PAPPA2: variants seen among roughly 807,000 people sequenced by gnomAD.
The protein encoded by PAPPA2 is pappalysin 2.
In PAPPA2, 86 loss-of-function variants were observed where a neutral mutation model predicts 176.4. The observed-to-expected ratio is 0.49, with a 90% CI of 0.41 to 0.58. PAPPA2 has a LOEUF of 0.58. Among genes scored for constraint, PAPPA2 ranks in the 20% least tolerant of loss-of-function variants. The pLI is 0.00. For missense variants in PAPPA2, 2,073 were observed against 2,256.9 expected (o/e 0.92, Z 1.65); for synonymous variants, 809 against 852.2 (o/e 0.95, Z 0.88).
At chr1:176,493,272 G>A (rs978663246) in intron 1 of PAPPA2, among the ~76,000 whole-genome samples, 3 of 152,100 alleles carry the variant, frequency 2.0e-5, no homozygotes, top group South Asian at 2.1e-4. Context: ...GATTTTCAAG[G>A]GCAATCACTT....
intron 2 of PAPPA2, among the ~76,000 whole-genome samples, chr1:176,559,985 T>C (rs532065105): frequency 6.6e-6 from 1 of 152,296 alleles, no homozygotes; most frequent in East Asian, 1.9e-4. Flanking sequence ...AGAGGATACT[T>C]TCTACACGGA....
At chr1:176,629,972 T>C (rs954978095) in intron 3 of PAPPA2, among the ~76,000 whole-genome samples, 10 of 151,850 alleles carry the variant, frequency 6.6e-5, no homozygotes, top group African/African-American at 2.4e-4. Flanking sequence ...GGCAGGAGAA[T>C]CGCTTGAACC....
At chr1:176,545,077 G>T (rs1264600143) in intron 1 of PAPPA2, among the ~76,000 whole-genome samples, 1 of 152,074 alleles carries the variant, frequency 6.6e-6, no homozygotes, top group Non-Finnish European at 1.5e-5. Context: ...TTAGCCGTTG[G>T]TGATTAAACT....
In PAPPA2 at chr1:176,623,728, C is replaced by CTT. The variant is rs1296950763; in HGVS notation, c.1991+28135_1991+28136dup. On this transcript the variant is annotated intron_variant, in intron 3 of 22. Coordinates refer to ENST00000367662, the MANE Select transcript of PAPPA2 (RefSeq NM_020318.3). ...TTTCTTTTCTTCTTTCTTTCTTTCT[C>CTT]TTTCTTTCTTTCTCTCTCTTTCCTT... Among the ~76,000 whole-genome samples the CTT allele has an allele frequency of 2.8e-4, 25 of 89,546 alleles. 1 individual carries two copies. Among genetic ancestry groups the CTT allele is most frequent in the Admixed American group, 2.5e-3 (24 of 9,424 alleles). 58.7% of individuals were successfully genotyped at this position (89,546 alleles called of 152,430 possible).
At chr1:176,731,831 G>GA (rs895737480) in intron 12 of PAPPA2, among the ~76,000 whole-genome samples, 1 of 151,824 alleles carries the variant, frequency 6.6e-6, no homozygotes, top group Admixed American at 6.6e-5. Context: ...TTGGGTTGCA[G>GA]AAAAAAATAG....
chr1:176,777,538 G>A (rs960965222), intron 17 of PAPPA2, among the ~76,000 whole-genome samples: 5 of 152,042 alleles, frequency 3.3e-5, no homozygotes, highest in African/African-American at 1.2e-4. Flanking sequence ...TGGCTAAGAA[G>A]GGTTTTCTTA....
At chr1:176,623,622 C>CTTTCTTTCTTTCTTTCTTT (rs1558479081) in intron 3 of PAPPA2, among the ~76,000 whole-genome samples, 16 of 79,868 alleles carry the variant, frequency 2.0e-4, no homozygotes, top group Non-Finnish European at 3.6e-4. Context: ...TTCCTTCCTT[C>CTTTCTTTCTTTCTTTCTTT]CTTTTTTACT....
At chr1:176,599,217 A>C (rs977345659) in intron 3 of PAPPA2, among the ~76,000 whole-genome samples, 1 of 152,136 alleles carries the variant, frequency 6.6e-6, no homozygotes, top group South Asian at 2.1e-4. Flanking sequence ...ACACACACAC[A>C]CACAAATATA....
intron 2 of PAPPA2, among the ~76,000 whole-genome samples, chr1:176,581,695 G>A (rs1035018897): frequency 1.3e-5 from 2 of 151,738 alleles, no homozygotes; most frequent in African/African-American, 4.8e-5. Flanking sequence ...CTTATTTCCA[G>A]GTATTTTATT....
At chr1:176,721,659 G>C (rs1224329862) in intron 12 of PAPPA2, among the ~76,000 whole-genome samples, 1 of 151,992 alleles carries the variant, frequency 6.6e-6, no homozygotes, top group Non-Finnish European at 1.5e-5. Context: ...TTCTTTGAAG[G>C]CCATGTCTTT....
intron 1 of PAPPA2, among the ~76,000 whole-genome samples, chr1:176,524,174 G>T (rs1649354087): frequency 6.6e-6 from 1 of 151,982 alleles, no homozygotes; most frequent in Non-Finnish European, 1.5e-5. Context: ...AGTCATTATG[G>T]CTTAAAACTG....
At chr1:176,661,763 C>G (rs1658373346) in intron 3 of PAPPA2, among the ~76,000 whole-genome samples, 1 of 151,936 alleles carries the variant, frequency 6.6e-6, no homozygotes, top group African/African-American at 2.4e-5. Flanking sequence ...TGCAAAGGAG[C>G]TGGAGAAATG....
intron 1 of PAPPA2, among the ~76,000 whole-genome samples, chr1:176,485,156 C>T (rs1558396150): frequency 6.6e-6 from 1 of 152,182 alleles, no homozygotes; most frequent in Non-Finnish European, 1.5e-5. Context: ...ACCACAATCT[C>T]AGCATCAGCA....
intron 1 of PAPPA2, among the ~76,000 whole-genome samples, chr1:176,550,597 G>A (rs567512967): frequency 2.0e-5 from 3 of 152,318 alleles, no homozygotes; most frequent in South Asian, 4.1e-4. Context: ...CTGCTCCCCC[G>A]AGGTGTTGGG....
intron 3 of PAPPA2, among the ~76,000 whole-genome samples, chr1:176,623,797 TTCTTTC>T (rs1163041018): frequency 1.6e-5 from 2 of 121,662 alleles, no homozygotes; most frequent in African/African-American, 6.2e-5. Context: ...CTTTCTTTCT[TTCTTTC>T]TTTCTTCTTT....
At chr1:176,496,562 C>G (rs556638250) in intron 1 of PAPPA2, among the ~76,000 whole-genome samples, 1 of 152,060 alleles carries the variant, frequency 6.6e-6, no homozygotes, top group Non-Finnish European at 1.5e-5. Flanking sequence ...CTGGGCACCT[C>G]GTTGTCTTTG....
intron 1 of PAPPA2, among the ~76,000 whole-genome samples, chr1:176,517,242 A>G (rs907678083): frequency 6.6e-6 from 1 of 152,170 alleles, no homozygotes; most frequent in Non-Finnish European, 1.5e-5. Context: ...GTCTTGATCA[A>G]TCTGCTAAAA....
chr1:176,522,236 G>C (rs898294668), intron 1 of PAPPA2, among the ~76,000 whole-genome samples: 1 of 152,162 alleles, frequency 6.6e-6, no homozygotes, highest in African/African-American at 2.4e-5. Flanking sequence ...GGTATAAGAA[G>C]AACATTCAAA....
At position 176,555,506 on chromosome 1, in the gene PAPPA2, C is replaced by T. The variant is rs1651226300; in HGVS notation, c.-817C>T. The T allele has an allele frequency of 6.6e-6, 1 of 152,242 alleles. No individual in the cohort carries two copies. The highest frequency in any genetic ancestry group is 2.4e-5 in the African/African-American group (1 of 41,444). 9.4% of individuals were successfully genotyped at this position (152,242 alleles called of 1,614,324 possible). On this transcript the variant is annotated 5_prime_UTR_variant, in exon 2 of 23. Coordinates refer to ENST00000367662, the MANE Select transcript of PAPPA2 (RefSeq NM_020318.3). The stretch of plus-strand genomic sequence containing the variant: ...CCCCAAAGAACTTTACGGAGACTTG[C>T]AACCTATCAACAAGTTGGATGAGGG...
Sources: allele counts gnomAD v4.1 joint callset (sites outside exome capture counted in the v4.1 genomes callset), GRCh38; gene constraint gnomAD v4.1.1; transcripts MANE v1.5; gene names NCBI Gene and HGNC (gene_info 2026-07-23, HGNC 2026-07-21).